GRM5: variants seen among roughly 807,000 people sequenced by gnomAD.
GRM5 encodes metabotropic glutamate receptor 5.
Under a neutral mutation model 83.1 loss-of-function variants are expected in GRM5, and 19 were observed. That is an observed-to-expected ratio of 0.23 (90% CI 0.16 to 0.34). The LOEUF (loss-of-function observed/expected upper bound fraction) is 0.34. Ranked by LOEUF, GRM5 falls within the 10% of genes least tolerant of loss-of-function variation. The pLI is 1.00. For synonymous variants in GRM5, 675 were observed against 633.6 expected (o/e 1.07, Z -0.98); for missense variants, 1,160 against 1,588.3 (o/e 0.73, Z 4.58).
intron 2 of GRM5, among the ~76,000 whole-genome samples, chr11:88,967,254 T>TATATATATATACAC (rs1288088164): frequency 1.4e-4 from 3 of 21,460 alleles, no homozygotes; most frequent in Non-Finnish European, 7.4e-5. Context: ...TACACATATA[T>TATATATATATACAC]ATATATATAT....
intron 8 of GRM5, among the ~76,000 whole-genome samples, chr11:88,560,011 T>C (rs1008330732): frequency 1.3e-5 from 2 of 151,718 alleles, no homozygotes; most frequent in African/African-American, 4.8e-5. Context: ...GAGGGTGAGA[T>C]GGGGTAGGTG....
chr11:88,853,240 C>T (rs1375811887), intron 2 of GRM5, among the ~76,000 whole-genome samples: 1 of 152,064 alleles, frequency 6.6e-6, no homozygotes, highest in African/African-American at 2.4e-5. Flanking sequence ...CATTGATTTT[C>T]AACCTTAAGA....
rs867493456 is a variant in GRM5, at chr11:88,612,038, A to G, written c.1148-7074T>C. On this transcript the variant is annotated intron_variant, in intron 4 of 9. Transcript: ENST00000305447. The stretch of plus-strand genomic sequence containing the variant: ...TTGTGCAGGTTAGTTACATATGTAT[A>G]CATGTGCCATGCTGGTGCACTGCAC... Among the ~76,000 whole-genome samples the G allele has an allele frequency of 4.0e-3, 609 of 151,212 alleles. 3 individuals are homozygous for G. Among genetic ancestry groups the G allele is most frequent in the African/African-American group, 0.014 (587 of 41,140 alleles).
chr11:88,564,728 G>T (rs1486257487), intron 8 of GRM5, among the ~76,000 whole-genome samples: 1 of 152,188 alleles, frequency 6.6e-6, no homozygotes, highest in South Asian at 2.1e-4. Flanking sequence ...CAAGGTACAG[G>T]TAGGTATTGG....
intron 2 of GRM5, among the ~76,000 whole-genome samples, chr11:89,022,296 C>T (rs959486221): frequency 1.3e-5 from 2 of 152,026 alleles, no homozygotes; most frequent in African/African-American, 2.4e-5. Context: ...CATATACCAA[C>T]TACTTAAATA....
intron 3 of GRM5, among the ~76,000 whole-genome samples, chr11:88,747,737 AAC>A: frequency 6.6e-6 from 1 of 151,904 alleles, no homozygotes; most frequent in Middle Eastern, 3.4e-3. Context: ...AACGAGGAGT[AAC>A]ACAGAATAAT....
intron 2 of GRM5, among the ~76,000 whole-genome samples, chr11:89,009,651 C>A (rs549761570): frequency 6.6e-6 from 1 of 151,872 alleles, no homozygotes; most frequent in African/African-American, 2.4e-5. Context: ...AATCCCAGCA[C>A]TTTGGGAGGC....
chr11:88,894,937 C>G (rs903899599), intron 2 of GRM5, among the ~76,000 whole-genome samples: 1 of 151,956 alleles, frequency 6.6e-6, no homozygotes. Flanking sequence ...TGATCTTGGA[C>G]TTCCCAGCCT....
chr11:88,887,538 G>C (rs914308673), intron 2 of GRM5, among the ~76,000 whole-genome samples: 3 of 152,156 alleles, frequency 2.0e-5, no homozygotes, highest in African/African-American at 7.2e-5. Flanking sequence ...CAATCTCTAA[G>C]TGCCTCTGTT....
intron 2 of GRM5, among the ~76,000 whole-genome samples, chr11:89,034,052 T>TTA (rs201048167): frequency 1.3e-5 from 2 of 151,218 alleles, no homozygotes; most frequent in African/African-American, 4.8e-5. Context: ...ATAATTATTA[T>TTA]GAGGTCGAAT....
At chr11:88,925,727 G>T (rs1368542426) in intron 2 of GRM5, 1 of 453,414 alleles carries the variant, frequency 2.2e-6, no homozygotes, top group South Asian at 1.5e-5. Context: ...GCCTGGCCAA[G>T]ATGACAAAAC....
rs759196874 is a variant in GRM5 at position 88,597,257 on chromosome 11, T to G, written c.1490A>C (p.Asp497Ala). ...GTTGCTTTTCTTGGACCATACTTCA[T>G]CATCATCCATTTTTAATTCTCCATT... is the stretch of plus-strand genomic sequence containing the variant. ...WDNGELKMDDDEVWSKKSNII... is the reference protein window; with the variant it reads ...WDNGELKMDDAEVWSKKSNII... Residue 497 changes from aspartate (D) to alanine (A), a missense_variant, in exon 6 of 10, where the codon GAT (aspartate) becomes GCT (alanine). This residue lies in a region of GRM5 where 30 missense variants were observed against 19.7 expected (regional missense o/e 1.52). Transcript: ENST00000305447. 6.2e-7 allele frequency: 1 copy of G among 1,606,788 alleles called. No homozygotes were observed. Among genetic ancestry groups the G allele is most frequent in the Non-Finnish European group, 8.5e-7 (1 of 1,173,680 alleles).
At chr11:88,637,393 G>C (rs534122257) in intron 4 of GRM5, among the ~76,000 whole-genome samples, 1 of 151,630 alleles carries the variant, frequency 6.6e-6, no homozygotes, top group Admixed American at 6.6e-5. Context: ...GAAAATTTTC[G>C]CAACCTACTC....
At chr11:88,625,268 A>G (rs1938760998) in intron 4 of GRM5, among the ~76,000 whole-genome samples, 1 of 152,136 alleles carries the variant, frequency 6.6e-6, no homozygotes, top group Non-Finnish European at 1.5e-5. Flanking sequence ...GCCTCCAGAT[A>G]AGAATGTGCC....
At chr11:88,669,190 T>C (rs930568392) in intron 3 of GRM5, among the ~76,000 whole-genome samples, 4 of 152,138 alleles carry the variant, frequency 2.6e-5, no homozygotes, top group Non-Finnish European at 5.9e-5. Flanking sequence ...TATACATATA[T>C]AATTATTTTA....
intron 2 of GRM5, among the ~76,000 whole-genome samples, chr11:88,852,873 T>C (rs1425978967): frequency 2.0e-5 from 3 of 152,066 alleles, no homozygotes; most frequent in Admixed American, 6.6e-5. Context: ...CTGTATTCTA[T>C]AATTATACAT....
At chr11:89,046,077 C>A (rs1941636089) in intron 2 of GRM5, among the ~76,000 whole-genome samples, 1 of 152,110 alleles carries the variant, frequency 6.6e-6, no homozygotes, top group Non-Finnish European at 1.5e-5. Context: ...GCCTCATCTC[C>A]TTTGCCAGAT....
At position 88,789,828 on chromosome 11, in the gene GRM5, T is replaced by C. The variant is rs186401203; in HGVS notation, c.911+60078A>G. 7.0e-3 allele frequency among the ~76,000 whole-genome samples: 1,059 copies of C among 152,220 alleles called. 8 individuals carry two copies. Among genetic ancestry groups the C allele is most frequent in the Non-Finnish European group, 0.012 (814 of 68,032 alleles). On this transcript the variant is annotated intron_variant, in intron 3 of 9. Coordinates refer to ENST00000305447, the MANE Select transcript of GRM5 (RefSeq NM_001143831.3). Reference sequence around the variant, plus strand: ...CTTCCTAAAATTCAACAAATATTTATTGAACATCTACAATGTACAAGGCAA... The same window carrying C: ...CTTCCTAAAATTCAACAAATATTTACTGAACATCTACAATGTACAAGGCAA...
chr11:88,903,654 C>G (rs1342603731), intron 2 of GRM5, among the ~76,000 whole-genome samples: 15 of 152,118 alleles, frequency 9.9e-5, no homozygotes, highest in Non-Finnish European at 1.9e-4. Context: ...CACAGAAATA[C>G]AAATTCAACA....
Sources: allele counts gnomAD v4.1 joint callset (sites outside exome capture counted in the v4.1 genomes callset), GRCh38; gene constraint gnomAD v4.1.1; regional missense constraint gnomAD v4.1.1; transcripts MANE v1.5; gene names NCBI Gene and HGNC (gene_info 2026-07-23, HGNC 2026-07-21).